SPIDR: variants seen among roughly 807,000 people sequenced by gnomAD.
SPIDR encodes scaffold protein involved in DNA repair.
SPIDR carries 93 observed loss-of-function variants against 104.6 expected under a neutral mutation model. That is an observed-to-expected ratio of 0.89 (90% CI 0.75 to 1.06). The LOEUF (loss-of-function observed/expected upper bound fraction) is 1.06, where lower values mean the gene tolerates loss of function less well. Ranked by LOEUF, SPIDR falls within the 50% of genes least tolerant of loss-of-function variation. The pLI, the probability that SPIDR is intolerant of heterozygous loss-of-function variation, is 0.00. For synonymous variants in SPIDR, 431 were observed against 416.9 expected (o/e 1.03, Z -0.41); for missense variants, 1,154 against 1,111.2 (o/e 1.04, Z -0.55).
chr8:47,319,835 C>G (rs2046182703), intron 5 of SPIDR, among the ~76,000 whole-genome samples: 1 of 151,976 alleles, frequency 6.6e-6, no homozygotes, highest in African/African-American at 2.4e-5. Flanking sequence ...ACAACCTGCT[C>G]CTGAATGACT....
At chr8:47,470,017 A>T (rs1257674779) in intron 8 of SPIDR, among the ~76,000 whole-genome samples, 1 of 152,230 alleles carries the variant, frequency 6.6e-6, no homozygotes, top group South Asian at 2.1e-4. Context: ...TGCAATCCCT[A>T]TCAAAATTCC....
chr8:47,726,056 T>G (rs534463638), intron 16 of SPIDR, among the ~76,000 whole-genome samples: 1 of 152,356 alleles, frequency 6.6e-6, no homozygotes, highest in Admixed American at 6.5e-5. Flanking sequence ...GGCTCCTTTC[T>G]CCACTTGCAC....
Position 47,505,782 on chromosome 8 carries a change from G to C in SPIDR, c.1097+65240G>C, listed in dbSNP as rs536760875. Among the ~76,000 whole-genome samples the C allele has an allele frequency of 4.6e-5, 7 of 152,290 alleles. No homozygotes were observed. The South Asian group carries it at 1.4e-3, about 32-fold the overall frequency. ...AACTGCACTGATCTGTGGTCATCTA[G>C]TGACAACACTAGCAGTGCCACCCGG... On this transcript the variant is annotated intron_variant, in intron 8 of 19. Coordinates refer to ENST00000297423, the MANE Select transcript of SPIDR (RefSeq NM_001080394.4).
intron 5 of SPIDR, among the ~76,000 whole-genome samples, chr8:47,365,721 T>C (rs2057074217): frequency 6.6e-6 from 1 of 152,214 alleles, no homozygotes; most frequent in Non-Finnish European, 1.5e-5. Flanking sequence ...TCTATGCCTC[T>C]GGGCTGTTAT....
intron 8 of SPIDR, among the ~76,000 whole-genome samples, chr8:47,517,774 G>A (rs1023438323): frequency 1.3e-5 from 2 of 152,058 alleles, no homozygotes; most frequent in East Asian, 1.9e-4. Context: ...TTCATTATTC[G>A]TATTTAACTC....
At chr8:47,490,009 A>G (rs1260569556) in intron 8 of SPIDR, among the ~76,000 whole-genome samples, 6 of 152,214 alleles carry the variant, frequency 3.9e-5, no homozygotes, top group Admixed American at 3.9e-4. Flanking sequence ...AATGGGGTCT[A>G]ATTAAACTAA....
intron 8 of SPIDR, among the ~76,000 whole-genome samples, chr8:47,535,073 ACT>A (rs2086681235): frequency 6.6e-6 from 1 of 152,224 alleles, no homozygotes; most frequent in South Asian, 2.1e-4. Flanking sequence ...TGAAAGACAC[ACT>A]CTACCAAAAC....
intron 16 of SPIDR, 27 bp from the exon 17 acceptor site, chr8:47,727,173 G>C: frequency 6.2e-7 from 1 of 1,611,090 alleles, no homozygotes; most frequent in Non-Finnish European, 8.5e-7. Flanking sequence ...CCGCCTCTGA[G>C]GTGGGCTTTC....
intron 8 of SPIDR, among the ~76,000 whole-genome samples, chr8:47,575,788 C>T (rs1324208777): frequency 1.3e-5 from 2 of 151,558 alleles, no homozygotes; most frequent in Non-Finnish European, 2.9e-5. Flanking sequence ...GGTGAAACCC[C>T]GTCTCTACTG....
intron 5 of SPIDR, among the ~76,000 whole-genome samples, chr8:47,322,641 A>C (rs1468937254): frequency 6.6e-6 from 1 of 152,224 alleles, no homozygotes; most frequent in African/African-American, 2.4e-5. Flanking sequence ...ATGCACACGT[A>C]TGTTTATTGG....
At chr8:47,724,409 C>T (rs1437289627) in intron 16 of SPIDR, among the ~76,000 whole-genome samples, 1 of 152,240 alleles carries the variant, frequency 6.6e-6, no homozygotes, top group African/African-American at 2.4e-5. Flanking sequence ...CACAGGTCTG[C>T]CCACCTCCAT....
At chr8:47,614,699 CT>C (rs1392193975) in intron 10 of SPIDR, among the ~76,000 whole-genome samples, 1 of 152,142 alleles carries the variant, frequency 6.6e-6, no homozygotes, top group Non-Finnish European at 1.5e-5. Context: ...CATTATATTC[CT>C]TTGGGTGTAT....
At chr8:47,481,246 G>A (rs1554726829) in intron 8 of SPIDR, among the ~76,000 whole-genome samples, 1 of 152,172 alleles carries the variant, frequency 6.6e-6, no homozygotes, top group South Asian at 2.1e-4. Flanking sequence ...GTTTTGTATT[G>A]TATGAGAGAG....
intron 19 of SPIDR, chr8:47,732,276 G>A (rs1292941988): frequency 1.0e-5 from 7 of 694,172 alleles, no homozygotes; most frequent in Non-Finnish European, 1.8e-5. Context: ...GCTCAAAGGT[G>A]TGTGTACCTG....
At chr8:47,364,769 A>G (rs2056864769) in intron 5 of SPIDR, among the ~76,000 whole-genome samples, 1 of 152,174 alleles carries the variant, frequency 6.6e-6, no homozygotes, top group Non-Finnish European at 1.5e-5. Context: ...TAAAAAGCAG[A>G]TTTGCCTGTA....
chr8:47,312,467 C>T (rs1409405652), intron 5 of SPIDR, among the ~76,000 whole-genome samples: 1 of 152,124 alleles, frequency 6.6e-6, no homozygotes, highest in Non-Finnish European at 1.5e-5. Context: ...TCTCTGATGG[C>T]CAGTGATGGT....
At chr8:47,713,803 C>G (rs543979505) in intron 16 of SPIDR, among the ~76,000 whole-genome samples, 162 bp downstream of exon 16, 11 of 152,198 alleles carry the variant, frequency 7.2e-5, no homozygotes, top group African/African-American at 2.7e-4. Flanking sequence ...GTATCAGACT[C>G]GAGTCTGCAC....
intron 5 of SPIDR, among the ~76,000 whole-genome samples, chr8:47,362,859 G>A (rs1192568830): frequency 6.6e-6 from 1 of 152,100 alleles, no homozygotes; most frequent in African/African-American, 2.4e-5. Context: ...CACCATGTTG[G>A]CCATGCTGGT....
intron 10 of SPIDR, among the ~76,000 whole-genome samples, chr8:47,638,016 A>G (rs557882892): frequency 9.2e-5 from 14 of 152,134 alleles, no homozygotes; most frequent in African/African-American, 2.9e-4. Flanking sequence ...GTTATAATCC[A>G]ATACTATTTT....
Sources: allele counts gnomAD v4.1 joint callset (sites outside exome capture counted in the v4.1 genomes callset), GRCh38; gene constraint gnomAD v4.1.1; transcripts MANE v1.5; gene names NCBI Gene and HGNC (gene_info 2026-07-23, HGNC 2026-07-21).